Variants in SRBD1 observed in about 807,000 individuals in gnomAD.
SRBD1 encodes S1 RNA-binding domain-containing protein 1.
A neutral mutation model predicts 115.3 loss-of-function variants in SRBD1; 88 were observed. That is an observed-to-expected ratio of 0.76 (90% CI 0.64 to 0.91). The LOEUF (loss-of-function observed/expected upper bound fraction) is 0.91. Among genes scored for constraint, SRBD1 ranks in the 40% least tolerant of loss-of-function variants. The pLI, the probability that SRBD1 is intolerant of heterozygous loss-of-function variation, is 0.00. For missense variants in SRBD1, 1,385 were observed against 1,177.4 expected (o/e 1.18, Z -2.58); for synonymous variants, 509 against 407.7 (o/e 1.25, Z -2.99).
intron 19 of SRBD1, among the ~76,000 whole-genome samples, chr2:45,406,378 G>T (rs1207688623): frequency 6.6e-6 from 1 of 152,152 alleles, no homozygotes; most frequent in African/African-American, 2.4e-5. Flanking sequence ...CAAGTAAAAG[G>T]AATTTAGAAT....
Position 45,546,778 on chromosome 2 carries a change from C to T in SRBD1, c.1828G>A (p.Asp610Asn), listed in dbSNP as rs1672133699. Residue 610 changes from aspartate to asparagine, a missense_variant, in exon 14 of 21, where the codon GAC becomes AAC. Asp to Asn is a conservative substitution (Grantham distance 23, BLOSUM62 1). Coordinates refer to ENST00000263736, the MANE Select transcript of SRBD1 (RefSeq NM_018079.5). ...GCAAAATAATTCTTCATTATCAGGT[C>T]AGCAAAGTAAGCTTCTGTTTCCCTG... ...ACRETEAYFA[D>N]LIMKNYFAPL... The T allele has an allele frequency of 5.6e-6, 9 of 1,613,972 alleles. No individual in the cohort carries two copies. Among genetic ancestry groups the T allele is most frequent in the Non-Finnish European group, 7.6e-6 (9 of 1,179,992 alleles).
chr2:45,408,818 G>T (rs1667510631), intron 19 of SRBD1, among the ~76,000 whole-genome samples: 1 of 152,030 alleles, frequency 6.6e-6, no homozygotes, highest in Non-Finnish European at 1.5e-5. Context: ...AATGAGAGGG[G>T]TATGCAGAAA....
At chr2:45,555,829 T>C (rs1410071408) in intron 10 of SRBD1, among the ~76,000 whole-genome samples, 1 of 152,120 alleles carries the variant, frequency 6.6e-6, no homozygotes, top group Non-Finnish European at 1.5e-5. Flanking sequence ...CCTGCTGTCT[T>C]GGTGTATTAG....
chr2:45,596,178 A>C (rs557262320), intron 4 of SRBD1, among the ~76,000 whole-genome samples: 1 of 152,212 alleles, frequency 6.6e-6, no homozygotes, highest in African/African-American at 2.4e-5. Context: ...CTAGCTTACA[A>C]ATAAAACTTT....
chr2:45,447,729 T>G (rs1283680632), intron 16 of SRBD1: 1 of 152,206 alleles, frequency 6.6e-6, no homozygotes, highest in African/African-American at 2.4e-5. Flanking sequence ...AGCTTTCTTT[T>G]TATACACTTA....
intron 16 of SRBD1, among the ~76,000 whole-genome samples, chr2:45,474,585 T>C (rs1558419573): frequency 2.0e-5 from 3 of 152,198 alleles, no homozygotes; most frequent in Non-Finnish European, 2.9e-5. Context: ...CTTTGCTATA[T>C]GTATCTTCTT....
intron 16 of SRBD1, among the ~76,000 whole-genome samples, chr2:45,446,311 T>G (rs951034260): frequency 1.3e-5 from 2 of 152,132 alleles, no homozygotes; most frequent in Non-Finnish European, 2.9e-5. Flanking sequence ...ATAATGTCTT[T>G]AATGCTGGAA....
intron 4 of SRBD1, among the ~76,000 whole-genome samples, chr2:45,592,600 T>C (rs948465652): frequency 5.3e-5 from 8 of 152,320 alleles, no homozygotes; most frequent in African/African-American, 1.2e-4. Flanking sequence ...GTCGAATTCT[T>C]TGGAGGAGGA....
chr2:45,498,953 A>T (rs187174432), intron 14 of SRBD1, among the ~76,000 whole-genome samples: 4 of 152,344 alleles, frequency 2.6e-5, no homozygotes, highest in Admixed American at 2.0e-4. Context: ...GTTGCAATAA[A>T]CATGGGAGTA....
At chr2:45,533,846 T>C (rs570369939) in intron 14 of SRBD1, among the ~76,000 whole-genome samples, 5 of 152,164 alleles carry the variant, frequency 3.3e-5, no homozygotes, top group African/African-American at 1.2e-4. Flanking sequence ...TTATAATACA[T>C]TGTATCTTTG....
intron 8 of SRBD1, among the ~76,000 whole-genome samples, chr2:45,574,272 A>T (rs892821725): frequency 1.3e-5 from 2 of 152,210 alleles, no homozygotes; most frequent in African/African-American, 4.8e-5. Context: ...AAATAAGCAT[A>T]CATCACAATC....
chr2:45,421,003 C>A (rs1393580444), intron 16 of SRBD1, among the ~76,000 whole-genome samples: 1 of 152,134 alleles, frequency 6.6e-6, no homozygotes, highest in Non-Finnish European at 1.5e-5. Flanking sequence ...ACATTTTGGA[C>A]AGTGACAAAA....
intron 14 of SRBD1, among the ~76,000 whole-genome samples, chr2:45,545,098 G>T (rs1380193845): frequency 6.6e-6 from 1 of 151,610 alleles, no homozygotes; most frequent in Non-Finnish European, 1.5e-5. Context: ...GGCTAACACG[G>T]TGAAACTCCA....
At chr2:45,425,081 TA>T (rs995702795) in intron 16 of SRBD1, among the ~76,000 whole-genome samples, 10 of 152,202 alleles carry the variant, frequency 6.6e-5, no homozygotes, top group Non-Finnish European at 1.2e-4. Context: ...CATCCTGTAA[TA>T]AAATCTCTTT....
intron 4 of SRBD1, among the ~76,000 whole-genome samples, chr2:45,595,380 A>C (rs1673863052): frequency 1.3e-5 from 2 of 152,230 alleles, no homozygotes; most frequent in South Asian, 4.1e-4. Flanking sequence ...AATACTTAAT[A>C]ATTTCCATAC....
At chr2:45,550,147 A>G (rs924357192) in intron 12 of SRBD1, among the ~76,000 whole-genome samples, 2 of 152,180 alleles carry the variant, frequency 1.3e-5, no homozygotes, top group African/African-American at 4.8e-5. Flanking sequence ...TGAACCCAGT[A>G]GATGGTTTTA....
intron 15 of SRBD1, among the ~76,000 whole-genome samples, chr2:45,482,654 GAAT>G (rs1343612652): frequency 2.7e-5 from 4 of 147,742 alleles, no homozygotes; most frequent in African/African-American, 1.0e-4. Flanking sequence ...ACAAACCCAT[GAAT>G]AATAAAAATA....
intron 9 of SRBD1, chr2:45,569,160 T>C (rs1334746370): frequency 3.3e-5 from 5 of 152,242 alleles, no homozygotes; most frequent in African/African-American, 1.2e-4. Context: ...CACATCTGTG[T>C]CATCTTAAAT....
At chr2:45,394,911 A>T (rs1349690584) in intron 19 of SRBD1, among the ~76,000 whole-genome samples, 1 of 152,216 alleles carries the variant, frequency 6.6e-6, no homozygotes, top group Non-Finnish European at 1.5e-5. Flanking sequence ...CCAGTGAGAT[A>T]ACACTGTAAG....
Sources: gnomAD v4.1 joint callset for allele counts (sites outside exome capture counted in the v4.1 genomes callset) on GRCh38, gnomAD v4.1.1 for gene constraint, MANE v1.5 for transcripts, NCBI Gene and HGNC (gene_info 2026-07-23, HGNC 2026-07-21) for gene names.